Variants in PTPRG observed in about 807,000 individuals in gnomAD.
PTPRG encodes the protein receptor-type tyrosine-protein phosphatase gamma.
PTPRG carries 102 observed loss-of-function variants against 165.3 expected under a neutral mutation model. The observed-to-expected ratio is 0.62, with a 90% CI of 0.53 to 0.73. The LOEUF (loss-of-function observed/expected upper bound fraction) is 0.73, where lower values mean the gene tolerates loss of function less well. PTPRG is among the 30% of genes least tolerant of loss of function. PTPRG has a pLI of 0.00. For synonymous variants in PTPRG, 675 were observed against 669.5 expected (o/e 1.01, Z -0.13); for missense variants, 1,866 against 1,861.4 (o/e 1.00, Z -0.05).
intron 2 of PTPRG, among the ~76,000 whole-genome samples, chr3:61,945,560 C>CAAAAAAAAA (rs71123242): frequency 9.6e-4 from 53 of 55,458 alleles, no homozygotes; most frequent in Non-Finnish European, 1.1e-3. Context: ...ACTCCGTCAC[C>CAAAAAAAAA]AAAAAAAAAA....
intron 2 of PTPRG, among the ~76,000 whole-genome samples, chr3:61,845,116 C>A (rs1412438804): frequency 6.6e-6 from 1 of 152,176 alleles, no homozygotes; most frequent in Non-Finnish European, 1.5e-5. Flanking sequence ...ACACTTTCCC[C>A]AGCAACCTAC....
At chr3:61,859,662 C>G (rs1373783773) in intron 2 of PTPRG, among the ~76,000 whole-genome samples, 1 of 150,916 alleles carries the variant, frequency 6.6e-6, no homozygotes, top group East Asian at 1.9e-4. Context: ...GAGCAAGGAA[C>G]TTGAGTTACA....
chr3:61,937,070 C>T (rs557339738), intron 2 of PTPRG, among the ~76,000 whole-genome samples: 46 of 152,308 alleles, frequency 3.0e-4, no homozygotes, highest in African/African-American at 1.1e-3. Flanking sequence ...GAATCGTCTT[C>T]TCTAAATGTA....
intron 2 of PTPRG, among the ~76,000 whole-genome samples, chr3:61,852,509 A>C (rs1175411264): frequency 2.6e-5 from 4 of 152,220 alleles, no homozygotes; most frequent in Non-Finnish European, 5.9e-5. Flanking sequence ...TTTAAAAACC[A>C]TGGACATATA....
intron 1 of PTPRG, among the ~76,000 whole-genome samples, chr3:61,576,352 CT>C (rs531848078): frequency 1.6e-3 from 241 of 152,246 alleles, no homozygotes; most frequent in African/African-American, 5.6e-3. Flanking sequence ...TGCTGTATAT[CT>C]TTGTGTTAAT....
At chr3:61,719,004 T>C (rs2031938277) in intron 1 of PTPRG, among the ~76,000 whole-genome samples, 1 of 152,170 alleles carries the variant, frequency 6.6e-6, no homozygotes, top group South Asian at 2.1e-4. Context: ...TCAAGAATGG[T>C]ACATATACCA....
At chr3:62,115,992 C>T (rs752210851) in intron 5 of PTPRG, among the ~76,000 whole-genome samples, 22 of 152,148 alleles carry the variant, frequency 1.4e-4, no homozygotes, top group African/African-American at 1.9e-4. Context: ...GGTGTTTATT[C>T]GATAAGTGGA....
chr3:62,220,766 G>A (rs1344572996), intron 13 of PTPRG, among the ~76,000 whole-genome samples: 1 of 152,212 alleles, frequency 6.6e-6, no homozygotes, highest in African/African-American at 2.4e-5. Context: ...AACTAATCAA[G>A]TGAGGTTAAC....
intron 1 of PTPRG, among the ~76,000 whole-genome samples, chr3:61,638,451 T>C (rs528329379): frequency 2.5e-4 from 38 of 152,152 alleles, no homozygotes; most frequent in Admixed American, 7.2e-4. Flanking sequence ...GCAAGTCTCT[T>C]TTGATTGCCA....
At position 62,132,782 on chromosome 3, in the gene PTPRG, T is replaced by C. The variant is rs940827043; in HGVS notation, c.682+114T>C. The C allele has an allele frequency of 3.1e-5, 30 of 973,090 alleles. No individual in the cohort carries two copies. In the Admixed American group the frequency reaches 5.0e-4, roughly 16 times the overall value. 60.3% of individuals were successfully genotyped at this position (973,090 alleles called of 1,614,324 possible). A position where few individuals can be genotyped will look rare whatever the true frequency, so the allele number is the denominator to read the frequency against. ...AGGGTGACACCTATTCCTCATCCCCTGATGTTGAAGGGCATTAGAGCCATT... is the reference window on the plus strand; with the variant it reads ...AGGGTGACACCTATTCCTCATCCCCCGATGTTGAAGGGCATTAGAGCCATT... On this transcript the variant is annotated intron_variant, in intron 6 of 29. Transcript: ENST00000474889.
At chr3:62,083,688 G>A (rs1432990397) in intron 5 of PTPRG, among the ~76,000 whole-genome samples, 1 of 152,182 alleles carries the variant, frequency 6.6e-6, no homozygotes, top group Admixed American at 6.5e-5. Flanking sequence ...TCTTTAAGTA[G>A]TCCTGTTCTT....
intron 2 of PTPRG, among the ~76,000 whole-genome samples, chr3:61,821,601 C>T (rs1311943329): frequency 1.3e-5 from 2 of 152,046 alleles, no homozygotes; most frequent in Non-Finnish European, 2.9e-5. Flanking sequence ...TGTGCTGTGA[C>T]TTATAAAGCT....
intron 2 of PTPRG, among the ~76,000 whole-genome samples, chr3:61,919,308 T>C (rs375342426): frequency 6.6e-6 from 1 of 152,218 alleles, no homozygotes; most frequent in African/African-American, 2.4e-5. Context: ...TTTGGGTCTC[T>C]GCAAAGTAAG....
chr3:62,120,288 T>C (rs1167144657), intron 5 of PTPRG, among the ~76,000 whole-genome samples: 1 of 151,358 alleles, frequency 6.6e-6, no homozygotes, highest in Non-Finnish European at 1.5e-5. Flanking sequence ...CCAGAGGAAC[T>C]GCAGAGAAGT....
At chr3:61,727,329 T>C (rs1365444140) in intron 1 of PTPRG, among the ~76,000 whole-genome samples, 2 of 152,066 alleles carry the variant, frequency 1.3e-5, no homozygotes, top group Non-Finnish European at 2.9e-5. Flanking sequence ...AATTTTTTTG[T>C]ATTTTTGGTA....
chr3:61,632,595 C>T lies in PTPRG; in HGVS notation c.85+70223C>T, dbSNP rs1007774828. Among the ~76,000 whole-genome samples, 91 of 152,272 alleles carry T rather than the reference C, an allele frequency of 6.0e-4. 1 individual carries two copies. Among genetic ancestry groups the T allele is most frequent in the African/African-American group, 2.0e-3 (83 of 41,554 alleles). On this transcript the variant is annotated intron_variant, in intron 1 of 29. Coordinates refer to ENST00000474889, the MANE Select transcript of PTPRG (RefSeq NM_002841.4). ...AGACACAGCAGCCATTGTCAGTTTG[C>T]AAAGAGCTTTCAAGTACATCATCTG... is the stretch of plus-strand genomic sequence containing the variant.
At chr3:62,161,243 T>C (rs2106712119) in intron 7 of PTPRG, among the ~76,000 whole-genome samples, 1 of 152,306 alleles carries the variant, frequency 6.6e-6, no homozygotes, top group Admixed American at 6.5e-5. Flanking sequence ...GTTGGTTTTG[T>C]TGTTGTTGCA....
chr3:61,808,040 C>G (rs1465300342), intron 2 of PTPRG, among the ~76,000 whole-genome samples: 1 of 152,118 alleles, frequency 6.6e-6, no homozygotes, highest in Non-Finnish European at 1.5e-5. Context: ...GCTTGCTCTC[C>G]CTGACTCTGT....
intron 2 of PTPRG, among the ~76,000 whole-genome samples, chr3:61,809,106 G>C (rs990814203): frequency 1.3e-5 from 2 of 149,902 alleles, no homozygotes; most frequent in East Asian, 3.9e-4. Flanking sequence ...TAAAGTGTTA[G>C]TTCACTGCCT....
Sources: allele counts gnomAD v4.1 joint callset (sites outside exome capture counted in the v4.1 genomes callset), GRCh38; gene constraint gnomAD v4.1.1; transcripts MANE v1.5; gene names NCBI Gene and HGNC (gene_info 2026-07-23, HGNC 2026-07-21).